ZNF207: variants seen among roughly 807,000 people sequenced by gnomAD.
ZNF207 encodes zinc finger protein 207, also known as BUB3-interacting and GLEBS motif-containing protein ZNF207.
In ZNF207, 24 loss-of-function variants were observed where a neutral mutation model predicts 60.2. That is an observed-to-expected ratio of 0.40 (90% CI 0.29 to 0.56). The LOEUF is 0.56. ZNF207 is among the 20% of genes least tolerant of loss of function. ZNF207 has a pLI of 0.49. For missense variants in ZNF207, 452 were observed against 636.6 expected (o/e 0.71, Z 3.12); for synonymous variants, 236 against 194.7 (o/e 1.21, Z -1.77).
Position 32,370,676 on chromosome 17 carries a change from A to G in ZNF207, c.*917A>G, listed in dbSNP as rs1283291204. 6.6e-6 allele frequency: 1 copy of G among 152,194 alleles called. No homozygotes were observed. The highest frequency in any genetic ancestry group is 1.5e-5 in the Non-Finnish European group (1 of 68,036). 9.4% of individuals were successfully genotyped at this position (152,194 alleles called of 1,614,324 possible). ...AGATACTTAAAATGTAAATGTTAAC[A>G]CTTTTCCTTCCTGCTGAGATGTTTA... On this transcript the variant is annotated 3_prime_UTR_variant, in exon 12 of 12. Transcript: ENST00000394670.
Position 32,366,292 on chromosome 17 carries a change from T to C in ZNF207, c.829-373T>C, listed in dbSNP as rs186900239. ...TTTTATGGTGGGTGGAAATTTTATG[T>C]ATTGAGAGATGTAAAACTTTTGGCA... On this transcript the variant is annotated intron_variant, in intron 8 of 11. Coordinates refer to ENST00000394670, the MANE Select transcript of ZNF207 (RefSeq NM_001098507.2). 8.1e-4 allele frequency among the ~76,000 whole-genome samples: 120 copies of C among 148,702 alleles called. 4 individuals are homozygous for C. The highest frequency in any genetic ancestry group is 7.8e-3 in the Admixed American group (118 of 15,102).
chr17:32,370,060 A>G lies in ZNF207; in HGVS notation c.*301A>G, dbSNP rs530615166. 106 of 219,954 alleles carry G rather than the reference A, an allele frequency of 4.8e-4. No homozygotes were observed. The highest frequency in any genetic ancestry group is 7.9e-4 in the Non-Finnish European group (89 of 113,200). The allele number at this position is 219,954 out of a possible 1,614,324, so 13.6% of individuals were successfully genotyped here. On this transcript the variant is annotated 3_prime_UTR_variant, in exon 12 of 12. Transcript: ENST00000394670. ...TAAATTGTGAAGGCGCTGGAATTAC[A>G]TGAACATACCACCCTAGTAAAGGCA...
Position 32,367,239 on chromosome 17 carries a change from TTATATATATA to T in ZNF207, c.922-496_922-487del, listed in dbSNP as rs10525886. On this transcript the variant is annotated intron_variant, in intron 9 of 11. Coordinates refer to ENST00000394670, the MANE Select transcript of ZNF207 (RefSeq NM_001098507.2). ...CCAGCCATTGTTAATTTGGAGGGGATTATATATATATATATATATATATATATATATATAT... is the reference window on the plus strand; with the variant it reads ...CCAGCCATTGTTAATTTGGAGGGGATTATATATATATATATATATATATAT... Among the ~76,000 whole-genome samples, 212 of 32,172 alleles carry T rather than the reference TTATATATATA, an allele frequency of 6.6e-3. 5 individuals carry two copies. Among genetic ancestry groups the T allele is most frequent in the Middle Eastern group, 0.043 (2 of 46 alleles). 21.1% of individuals were successfully genotyped at this position (32,172 alleles called of 152,430 possible).
In ZNF207 at chr17:32,376,744, T is replaced by G. The variant is rs1049558349; in HGVS notation, c.*6985T>G. 2 of 152,080 alleles carry G rather than the reference T, an allele frequency of 1.3e-5. No homozygotes were observed. Among genetic ancestry groups the G allele is most frequent in the Non-Finnish European group, 1.5e-5 (1 of 67,922 alleles). 9.4% of individuals were successfully genotyped at this position (152,080 alleles called of 1,614,324 possible). A position where few individuals can be genotyped will look rare whatever the true frequency, so the allele number is the denominator to read the frequency against. On this transcript the variant is annotated 3_prime_UTR_variant, in exon 12 of 12. Transcript: ENST00000394670. Reference sequence around the variant, plus strand: ...AGAGGCATACAATCCGTTATGAGAATGTTTATGTTTATGTTTTAATTTTTA... The same window carrying G: ...AGAGGCATACAATCCGTTATGAGAAGGTTTATGTTTATGTTTTAATTTTTA...
intron 8 of ZNF207, 100 bp downstream of exon 8, chr17:32,365,587 T>C (rs1415549121): frequency 9.6e-6 from 11 of 1,141,292 alleles, no homozygotes; most frequent in Admixed American, 3.8e-5. Context: ...TTTTTTTGTT[T>C]ATAATATTTT....
rs1905179988 is a variant in ZNF207 at position 32,366,731 on chromosome 17, A to G, written c.895A>G (p.Lys299Glu). Residue 299 changes from lysine to glutamate, a missense_variant, in exon 9 of 12, where the codon AAA becomes GAA. Physicochemically the swap from Lys to Glu is moderately conservative, Grantham distance 56. Around this residue, in one of 2 missense-constraint regions of ZNF207, gnomAD observed 390 missense variants for 461.4 expected, o/e 0.85. Coordinates refer to ENST00000394670, the MANE Select transcript of ZNF207 (RefSeq NM_001098507.2). Reference protein sequence around the residue: ...SNSESLSASSKALFPSTAQAQ... With the variant: ...SNSESLSASSEALFPSTAQAQ... ...TTCAGAAAGTCTGTCTGCATCTTCT[A>G]AAGCTCTGTTTCCTAGCACAGCACA... 2 of 1,611,032 alleles carry G rather than the reference A, an allele frequency of 1.2e-6. No homozygotes were observed. Among genetic ancestry groups the G allele is most frequent in the East Asian group, 2.2e-5 (1 of 44,570 alleles).
chr17:32,359,106 TTTTG>T (rs1485271405), intron 3 of ZNF207, among the ~76,000 whole-genome samples: 3 of 150,706 alleles, frequency 2.0e-5, no homozygotes, highest in African/African-American at 4.9e-5. Context: ...CCCAGCTGAT[TTTTG>T]TTTGTTTTTG....
intron 2 of ZNF207, 130 bp downstream of exon 2, chr17:32,352,042 A>C (rs1225312808): frequency 2.4e-6 from 2 of 826,898 alleles, no homozygotes; most frequent in Non-Finnish European, 3.5e-6. Flanking sequence ...ATCTCGGCCC[A>C]CTGCAACCTC....
rs889398191 is a variant in ZNF207, at chr17:32,372,176, T to G, written c.*2417T>G. ...TTAGCTGGGCGTAGTTGCGGATGCC[T>G]GTAGTCCCAACTACTCTGGAGACCG... is the stretch of plus-strand genomic sequence containing the variant. On this transcript the variant is annotated 3_prime_UTR_variant, in exon 12 of 12. Coordinates refer to ENST00000394670, the MANE Select transcript of ZNF207 (RefSeq NM_001098507.2). 6.6e-6 allele frequency: 1 copy of G among 152,348 alleles called. No homozygotes were observed. Among genetic ancestry groups the G allele is most frequent in the Non-Finnish European group, 1.5e-5 (1 of 68,196 alleles). 9.4% of individuals were successfully genotyped at this position (152,348 alleles called of 1,614,324 possible).
Position 32,378,105 on chromosome 17 carries a change from A to C in ZNF207, c.*8346A>C, listed in dbSNP as rs1290008721. The C allele has an allele frequency of 6.6e-6, 1 of 152,490 alleles. No individual in the cohort carries two copies. 9.4% of individuals were successfully genotyped at this position (152,490 alleles called of 1,614,324 possible). A position where few individuals can be genotyped will look rare whatever the true frequency, so the allele number is the denominator to read the frequency against. Reference sequence around the variant, plus strand: ...ATAACTAATAATAGATCCATTGGACACTTTAAACACTCAGTACTTGGGCCA... The same window carrying C: ...ATAACTAATAATAGATCCATTGGACCCTTTAAACACTCAGTACTTGGGCCA... On this transcript the variant is annotated 3_prime_UTR_variant, in exon 12 of 12. Coordinates refer to ENST00000394670, the MANE Select transcript of ZNF207 (RefSeq NM_001098507.2).
intron 2 of ZNF207, among the ~76,000 whole-genome samples, chr17:32,357,354 T>TTATTATTA: frequency 1.3e-5 from 1 of 78,652 alleles, no homozygotes; most frequent in East Asian, 2.1e-4. Flanking sequence ...TATTATTATT[T>TTATTATTA]TTTTTTTTTT....
rs766585515 is a variant in ZNF207, at chr17:32,350,257, C to G, written c.-29C>G. On this transcript the variant is annotated 5_prime_UTR_variant, in exon 1 of 12. Transcript: ENST00000394670. ...TCGTTTCTCCTGCTTCTTTTCTCCT[C>G]CCTTTTACTTTGCCGGTAGAACACA... 10 of 1,614,082 alleles carry G rather than the reference C, an allele frequency of 6.2e-6. No homozygotes were observed. Among genetic ancestry groups the G allele is most frequent in the Non-Finnish European group, 8.5e-6 (10 of 1,179,962 alleles).
In ZNF207 at chr17:32,378,113, C is replaced by T. The variant is rs968631383; in HGVS notation, c.*8354C>T. 12 of 152,390 alleles carry T rather than the reference C, an allele frequency of 7.9e-5. No homozygotes were observed. The highest frequency in any genetic ancestry group is 1.0e-4 in the Non-Finnish European group (7 of 67,900). The allele number at this position is 152,390 out of a possible 1,614,324, so 9.4% of individuals were successfully genotyped here. On this transcript the variant is annotated 3_prime_UTR_variant, in exon 12 of 12. Transcript: ENST00000394670. The stretch of plus-strand genomic sequence containing the variant: ...TAATAGATCCATTGGACACTTTAAA[C>T]ACTCAGTACTTGGGCCAAAGTAGAT...
chr17:32,370,434 C>G lies in ZNF207; in HGVS notation c.*675C>G, dbSNP rs755381891. 10 of 152,564 alleles carry G rather than the reference C, an allele frequency of 6.6e-5. No individual in the cohort carries two copies. Among genetic ancestry groups the G allele is most frequent in the African/African-American group, 2.4e-4 (10 of 41,456 alleles). 9.5% of individuals were successfully genotyped at this position (152,564 alleles called of 1,614,324 possible). A position where few individuals can be genotyped will look rare whatever the true frequency, so the allele number is the denominator to read the frequency against. ...CAGTAGATGTCCACATAATAAAATT[C>G]ATAGTTACCAATGCAGTTTTGATAT... On this transcript the variant is annotated 3_prime_UTR_variant, in exon 12 of 12. Transcript: ENST00000394670.
At chr17:32,365,183 A>T in intron 7 of ZNF207, 147 bp from the exon 8 acceptor site, 1 of 827,656 alleles carries the variant, frequency 1.2e-6, no homozygotes, top group Non-Finnish European at 1.8e-6. Context: ...TTAAGGTAAG[A>T]ATGTTGCATG....
At position 32,360,572 on chromosome 17, in the gene ZNF207, T is replaced by C. The variant is rs1262765167; in HGVS notation, c.308-26T>C. On this transcript the variant is annotated intron_variant, in intron 3 of 11. Transcript: ENST00000394670. Reference sequence around the variant, plus strand: ...ATAAACTTTCTTAGTTTTTACTCTATGGAAATAATTTTTTTTTTTTAACAG... The same window carrying C: ...ATAAACTTTCTTAGTTTTTACTCTACGGAAATAATTTTTTTTTTTTAACAG... 5.1e-6 allele frequency: 8 copies of C among 1,572,846 alleles called. No homozygotes were observed. The East Asian group carries it at 1.1e-4, about 22-fold the overall frequency.
At position 32,370,956 on chromosome 17, in the gene ZNF207, G is replaced by A. The variant is rs555367025; in HGVS notation, c.*1197G>A. 1 of 152,272 alleles carries A rather than the reference G, an allele frequency of 6.6e-6. No homozygotes were observed. The highest frequency in any genetic ancestry group is 1.5e-5 in the Non-Finnish European group (1 of 68,020). The allele number at this position is 152,272 out of a possible 1,614,324, so 9.4% of individuals were successfully genotyped here. ...CTGGAAGATTACATTATTCATTTGAGTACCTTCTGTTATTAAGCCTAGGTA... is the reference window on the plus strand; with the variant it reads ...CTGGAAGATTACATTATTCATTTGAATACCTTCTGTTATTAAGCCTAGGTA... On this transcript the variant is annotated 3_prime_UTR_variant, in exon 12 of 12. Coordinates refer to ENST00000394670, the MANE Select transcript of ZNF207 (RefSeq NM_001098507.2).
rs1461343259 is a variant in ZNF207 at position 32,362,912 on chromosome 17, A to G, written c.600-2A>G. ...TGTTTCTTGAAATTTGCTTTCTAAT[A>G]GAATGATGCCAATGGGTGGAATGAT... On this transcript the variant is annotated splice_acceptor_variant, in intron 6 of 11. Coordinates refer to ENST00000394670, the MANE Select transcript of ZNF207 (RefSeq NM_001098507.2). LOFTEE classifies it high-confidence loss of function. 2 of 1,613,146 alleles carry G rather than the reference A, an allele frequency of 1.2e-6. No individual in the cohort carries two copies. Among genetic ancestry groups the G allele is most frequent in the Non-Finnish European group, 8.5e-7 (1 of 1,179,860 alleles).
intron 7 of ZNF207, among the ~76,000 whole-genome samples, chr17:32,364,672 A>C (rs1905081381): frequency 6.6e-6 from 1 of 152,104 alleles, no homozygotes; most frequent in African/African-American, 2.4e-5. Context: ...CCTGCGTTTT[A>C]TGTTGGTGTG....
Sources: gnomAD v4.1 joint callset for allele counts (sites outside exome capture counted in the v4.1 genomes callset) on GRCh38, gnomAD v4.1.1 for gene constraint, gnomAD v4.1.1 regional missense constraint, MANE v1.5 for transcripts, NCBI Gene and HGNC (gene_info 2026-07-23, HGNC 2026-07-21) for gene names.